The following PCBP3 variants were observed in gnomAD, a reference collection of about 807,000 sequenced individuals.
The protein encoded by PCBP3 is poly(rC)-binding protein 3.
A neutral mutation model predicts 52.7 loss-of-function variants in PCBP3; 25 were observed. That is an observed-to-expected ratio of 0.47 (90% CI 0.35 to 0.66). The LOEUF (loss-of-function observed/expected upper bound fraction) is 0.66. PCBP3 is among the 30% of genes least tolerant of loss of function. The pLI, the probability that PCBP3 is intolerant of heterozygous loss-of-function variation, is 0.01. For synonymous variants in PCBP3, 162 were observed against 183.0 expected (o/e 0.89, Z 0.93); for missense variants, 391 against 490.3 (o/e 0.80, Z 1.91).
chr21:45,792,266 G>A (rs2091647894), intron 4 of PCBP3, among the ~76,000 whole-genome samples: 1 of 152,270 alleles, frequency 6.6e-6, no homozygotes, highest in African/African-American at 2.4e-5. Context: ...GCAGAGCTGC[G>A]GCAAGGGCAA....
rs888119810 is a variant in PCBP3, at chr21:45,741,047, A to G, written c.-162+5618A>G. Among the ~76,000 whole-genome samples, 1 of 152,140 alleles carries G rather than the reference A, an allele frequency of 6.6e-6. No individual in the cohort carries two copies. Among genetic ancestry groups the G allele is most frequent in the African/African-American group, 2.4e-5 (1 of 41,432 alleles). On this transcript the variant is annotated intron_variant, in intron 3 of 17. Transcript: ENST00000681687. The surrounding 1 kb of genome is among the most constrained non-coding windows in gnomAD (Gnocchi z 4.5). ...GACTGTCCTAAACGGAAAGCAGGGC[A>G]CGGGATGGCTTCACTCCAGCTCCTC...
At chr21:45,918,456 G>A (rs868755964) in intron 13 of PCBP3, 2 of 73,814 alleles carry the variant, frequency 2.7e-5, no homozygotes, top group South Asian at 7.4e-4. Context: ...GGAGGAAGAA[G>A]TTACTCTCAG....
chr21:45,854,866 C>G (rs188920821), intron 5 of PCBP3, among the ~76,000 whole-genome samples: 109 of 152,250 alleles, frequency 7.2e-4, no homozygotes, highest in Non-Finnish European at 1.2e-3. Context: ...GCCTCTGCCC[C>G]GCGGAATGCA....
intron 2 of PCBP3, among the ~76,000 whole-genome samples, chr21:45,685,710 T>C (rs2082109697): frequency 6.6e-6 from 1 of 152,030 alleles, no homozygotes; most frequent in Admixed American, 6.6e-5. Flanking sequence ...ACATAAAAGC[T>C]CAGGCAGGCT....
chr21:45,722,794 A>C (rs541112240), intron 2 of PCBP3, among the ~76,000 whole-genome samples: 1 of 152,162 alleles, frequency 6.6e-6, no homozygotes, highest in Non-Finnish European at 1.5e-5. Flanking sequence ...TGAGGTCAGG[A>C]GATTGAGACC....
chr21:45,884,274 G>T (rs778347239), intron 5 of PCBP3, among the ~76,000 whole-genome samples: 8 of 151,858 alleles, frequency 5.3e-5, no homozygotes, highest in Non-Finnish European at 1.2e-4. Context: ...TTGTTTCTCT[G>T]GTTTTAGTTT....
intron 5 of PCBP3, among the ~76,000 whole-genome samples, chr21:45,852,059 A>T (rs1364126341): frequency 6.6e-6 from 1 of 152,234 alleles, no homozygotes; most frequent in Admixed American, 6.5e-5. Flanking sequence ...GACTATAGCT[A>T]ATAATAATAT....
intron 2 of PCBP3, among the ~76,000 whole-genome samples, chr21:45,716,320 T>C (rs984824061): frequency 2.0e-5 from 3 of 152,172 alleles, no homozygotes; most frequent in South Asian, 2.1e-4. Context: ...CATATCTATA[T>C]ATGGGGAGGG....
chr21:45,780,246 A>T (rs1004668242), intron 4 of PCBP3, among the ~76,000 whole-genome samples: 7 of 152,272 alleles, frequency 4.6e-5, no homozygotes, highest in Non-Finnish European at 1.0e-4. Context: ...CATTCGTCTC[A>T]AAATACACAC....
Position 45,917,322 on chromosome 21 carries a change from C to G in PCBP3, c.676-266C>G. The G allele has an allele frequency of 2.6e-6, 1 of 385,342 alleles. No homozygotes were observed. Among genetic ancestry groups the G allele is most frequent in the Non-Finnish European group, 4.7e-6 (1 of 212,812 alleles). The allele number at this position is 385,342 out of a possible 1,614,324, so 23.9% of individuals were successfully genotyped here. On this transcript the variant is annotated intron_variant, in intron 12 of 17. Coordinates refer to ENST00000681687, the MANE Select transcript of PCBP3 (RefSeq NM_001384156.1). This position sits in a 1 kb window ranked among gnomAD's most constrained non-coding sequence, Gnocchi z 5.3. ...TCTTTTGCTTTAAGAAACTTGGAGT[C>G]GGAAGCATCAAGGCTGAACTGTTTC... is the stretch of plus-strand genomic sequence containing the variant.
intron 4 of PCBP3, among the ~76,000 whole-genome samples, chr21:45,768,060 A>G (rs1192117617): frequency 6.6e-6 from 1 of 152,230 alleles, no homozygotes; most frequent in Non-Finnish European, 1.5e-5. Context: ...TGCTGCCACG[A>G]TGCACCAGCT....
At chr21:45,767,601 G>A (rs541515751) in intron 4 of PCBP3, among the ~76,000 whole-genome samples, 2 of 152,220 alleles carry the variant, frequency 1.3e-5, no homozygotes, top group African/African-American at 4.8e-5. Context: ...CCACCAGACC[G>A]TTTTCCACAG....
At chr21:45,824,617 C>A (rs1375685278) in intron 4 of PCBP3, among the ~76,000 whole-genome samples, 1 of 152,200 alleles carries the variant, frequency 6.6e-6, no homozygotes, top group East Asian at 1.9e-4. Context: ...GGTCTTGTCT[C>A]TAGGGCCTGT....
chr21:45,801,365 C>G (rs915652491), intron 4 of PCBP3, among the ~76,000 whole-genome samples: 12 of 152,226 alleles, frequency 7.9e-5, no homozygotes, highest in African/African-American at 2.9e-4. Flanking sequence ...AGTGTCTGGG[C>G]TGGCCCCTCC....
intron 4 of PCBP3, among the ~76,000 whole-genome samples, chr21:45,812,076 C>T (rs2092700525): frequency 6.6e-6 from 1 of 152,160 alleles, no homozygotes; most frequent in Admixed American, 6.5e-5. Context: ...ACTTATATTA[C>T]ACCTTTTCAC....
At position 45,644,054 on chromosome 21, in the gene PCBP3, C is replaced by G. The variant is rs553810302; in HGVS notation, c.-279+186C>G. On this transcript the variant is annotated intron_variant, in intron 1 of 17. Transcript: ENST00000681687. ...ACCGCCGCCGGCGCCTGCGGCGGCC[C>G]GGGGCAGCGAGGGGACTCGCGCTCC... is the stretch of plus-strand genomic sequence containing the variant. Among the ~76,000 whole-genome samples the G allele has an allele frequency of 2.9e-3, 433 of 150,052 alleles. 1 individual carries two copies. Among genetic ancestry groups the G allele is most frequent in the South Asian group, 0.014 (69 of 4,814 alleles).
In PCBP3 at chr21:45,821,374, G is replaced by A. The variant is rs1048114274; in HGVS notation, c.-125-28587G>A. ...GAGGTCCAGTACCCCCCTGCACCACGCTGTGGGCCCCGCACCCTCCCCCAA... is the reference window on the plus strand; with the variant it reads ...GAGGTCCAGTACCCCCCTGCACCACACTGTGGGCCCCGCACCCTCCCCCAA... On this transcript the variant is annotated intron_variant, in intron 4 of 17. Transcript: ENST00000681687. This position sits in a 1 kb window ranked among gnomAD's most constrained non-coding sequence, Gnocchi z 4.4. Among the ~76,000 whole-genome samples, 9 of 150,978 alleles carry A rather than the reference G, an allele frequency of 6.0e-5. No homozygotes were observed. Among genetic ancestry groups the A allele is most frequent in the Non-Finnish European group, 1.2e-4 (8 of 67,758 alleles).
chr21:45,814,769 G>C (rs2092809453), intron 4 of PCBP3, among the ~76,000 whole-genome samples: 1 of 139,666 alleles, frequency 7.2e-6, no homozygotes, highest in Non-Finnish European at 1.6e-5. Flanking sequence ...GGTGAGTGGT[G>C]AGTGGTGAGT....
chr21:45,889,991 C>T (rs562099265), intron 5 of PCBP3, among the ~76,000 whole-genome samples: 1 of 152,392 alleles, frequency 6.6e-6, no homozygotes, highest in East Asian at 1.9e-4. Flanking sequence ...CCCCATTCCT[C>T]CAGTAGCCCT....
Sources: allele counts gnomAD v4.1 joint callset (sites outside exome capture counted in the v4.1 genomes callset), GRCh38; gene constraint gnomAD v4.1.1; non-coding constraint Gnocchi (gnomAD v3.1); transcripts MANE v1.5; gene names NCBI Gene and HGNC (gene_info 2026-07-23, HGNC 2026-07-21).